The following FAM81A variants were observed in gnomAD, a reference collection of about 807,000 sequenced individuals.
FAM81A encodes the protein protein FAM81A.
In FAM81A, 19 loss-of-function variants were observed where a neutral mutation model predicts 46.7. The observed-to-expected ratio is 0.41, with a 90% confidence interval of 0.28 to 0.60. The LOEUF is 0.60. Among genes scored for constraint, FAM81A ranks in the 20% least tolerant of loss-of-function variants. The pLI, the probability that FAM81A is intolerant of heterozygous loss-of-function variation, is 0.34. For synonymous variants in FAM81A, 183 were observed against 152.9 expected, an observed-to-expected ratio of 1.20 and a Z score of -1.45; for missense variants, 377 against 453.5, an observed-to-expected ratio of 0.83 and a Z score of 1.53.
chr15:59,493,096 C>G (rs1355409398), intron 4 of FAM81A, among the ~76,000 whole-genome samples: 1 of 152,178 alleles, frequency 6.6e-6, no homozygotes, highest in Non-Finnish European at 1.5e-5. Flanking sequence ...CACATTAATG[C>G]ATATCAGCAC....
At chr15:59,513,799 C>G (rs2082238157) in intron 6 of FAM81A, among the ~76,000 whole-genome samples, 1 of 152,064 alleles carries the variant, frequency 6.6e-6, no homozygotes, top group African/African-American at 2.4e-5. Context: ...CAGCAGTGTT[C>G]ACAATAGCAA....
chr15:59,497,445 C>CA (rs71119477), intron 4 of FAM81A, among the ~76,000 whole-genome samples: 1,710 of 139,530 alleles, frequency 0.012, 7 homozygotes, highest in Non-Finnish European at 0.017. Flanking sequence ...GACTCTGTCT[C>CA]AAAAAAAAAA....
intron 6 of FAM81A, among the ~76,000 whole-genome samples, chr15:59,510,368 CAAAAAAAAAAAA>C (rs34095489): frequency 1.9e-5 from 2 of 106,552 alleles, no homozygotes; most frequent in African/African-American, 6.5e-5. Context: ...GACTCTGTCT[CAAAAAAAAAAAA>C]AAAGAAAGCC....
At chr15:59,407,021 C>A in intron 2 of FAM81A, 1 of 166,984 alleles carries the variant, frequency 6.0e-6, no homozygotes, top group South Asian at 1.5e-4. Context: ...CAATGAGAGC[C>A]ACAGACTTGG....
At chr15:59,443,730 A>C (rs566891579) in intron 1 of FAM81A, among the ~76,000 whole-genome samples, 3 of 152,180 alleles carry the variant, frequency 2.0e-5, no homozygotes, top group African/African-American at 7.2e-5. Flanking sequence ...TCATTGAGTC[A>C]AGTTGAGGTG....
intron 1 of FAM81A, chr15:59,401,420 A>G: frequency 1.2e-6 from 1 of 802,334 alleles, no homozygotes; most frequent in South Asian, 1.3e-5. Flanking sequence ...AAATATTGGT[A>G]GGCAAAAGGT....
At chr15:59,488,714 C>T (rs552232031) in intron 3 of FAM81A, among the ~76,000 whole-genome samples, 5 of 152,292 alleles carry the variant, frequency 3.3e-5, no homozygotes, top group South Asian at 2.1e-4. Flanking sequence ...CTGTGGCTCA[C>T]GCCTATAATC....
At chr15:59,483,402 T>C (rs1234940225) in intron 3 of FAM81A, among the ~76,000 whole-genome samples, 1 of 152,158 alleles carries the variant, frequency 6.6e-6, no homozygotes, top group Non-Finnish European at 1.5e-5. Context: ...CACAGAATAT[T>C]TACATTCCTA....
chr15:59,464,779 T>C (rs934433662), intron 3 of FAM81A, among the ~76,000 whole-genome samples: 4 of 152,234 alleles, frequency 2.6e-5, no homozygotes, highest in Non-Finnish European at 4.4e-5. Context: ...TTTCACTTTG[T>C]GGATTGCTTC....
intron 2 of FAM81A, among the ~76,000 whole-genome samples, chr15:59,433,127 C>A (rs1345072610): frequency 1.3e-5 from 1 of 75,048 alleles, no homozygotes. Flanking sequence ...GGGCACAGAG[C>A]GAGACTCCGT....
chr15:59,443,604 C>T (rs989262918), intron 1 of FAM81A, among the ~76,000 whole-genome samples: 5 of 152,132 alleles, frequency 3.3e-5, no homozygotes, highest in Non-Finnish European at 7.3e-5. Context: ...TGGAGTGTGT[C>T]CCTTTCAGTG....
chr15:59,517,678 G>A (rs1404957020), intron 8 of FAM81A, among the ~76,000 whole-genome samples: 2 of 152,050 alleles, frequency 1.3e-5, no homozygotes, highest in Non-Finnish European at 2.9e-5. Context: ...GAATAATTTT[G>A]TTATTACCAC....
intron 2 of FAM81A, among the ~76,000 whole-genome samples, chr15:59,411,296 G>C (rs1383409756): frequency 6.6e-6 from 1 of 152,096 alleles, no homozygotes; most frequent in Non-Finnish European, 1.5e-5. Flanking sequence ...TCTATGTACG[G>C]TTGCTGGGAG....
chr15:59,510,777 CAAAAAA>C (rs71119479), intron 6 of FAM81A, among the ~76,000 whole-genome samples: 3 of 25,780 alleles, frequency 1.2e-4, no homozygotes, highest in African/African-American at 3.2e-4. Flanking sequence ...GACCCTGTCT[CAAAAAA>C]AAAAAAAAAA....
intron 2 of FAM81A, among the ~76,000 whole-genome samples, chr15:59,432,340 T>G (rs906293213): frequency 6.6e-6 from 1 of 152,264 alleles, no homozygotes; most frequent in Non-Finnish European, 1.5e-5. Flanking sequence ...TCAGAGATAA[T>G]GTTAAAATTA....
intron 3 of FAM81A, among the ~76,000 whole-genome samples, chr15:59,470,027 T>A (rs888081602): frequency 6.6e-6 from 1 of 152,162 alleles, no homozygotes; most frequent in Non-Finnish European, 1.5e-5. Flanking sequence ...AGAATGTTGA[T>A]TATTGGCCCC....
At chr15:59,464,464 A>G (rs571794767) in intron 3 of FAM81A, among the ~76,000 whole-genome samples, 6 of 152,208 alleles carry the variant, frequency 3.9e-5, no homozygotes, top group Non-Finnish European at 7.3e-5. Context: ...TTTTCTCTGT[A>G]TCCTTGCCAG....
chr15:59,516,945 AC>A, intron 8 of FAM81A, 105 bp downstream of exon 8: 1 of 1,036,240 alleles, frequency 9.7e-7, no homozygotes, highest in Non-Finnish European at 1.3e-6. Flanking sequence ...AATGGTAATA[AC>A]CGTGAAATAT....
chr15:59,468,857 A>G (rs1246334871), intron 3 of FAM81A, among the ~76,000 whole-genome samples: 1 of 152,204 alleles, frequency 6.6e-6, no homozygotes, highest in Non-Finnish European at 1.5e-5. Context: ...ATTTAGTGCT[A>G]TAAATTTCTG....
Sources: gnomAD v4.1 joint callset for allele counts (sites outside exome capture counted in the v4.1 genomes callset) on GRCh38, gnomAD v4.1.1 for gene constraint, MANE v1.5 for transcripts, NCBI Gene and HGNC (gene_info 2026-07-23, HGNC 2026-07-21) for gene names.